Variants in SYNDIG1 observed in about 807,000 individuals in gnomAD.
SYNDIG1 encodes the protein synapse differentiation-inducing gene protein 1.
SYNDIG1 carries 9 observed loss-of-function variants against 19.4 expected under a neutral mutation model. The ratio of observed to expected loss-of-function variants is 0.46; its 90% CI spans 0.28 to 0.81. SYNDIG1 has a LOEUF of 0.81. Among genes scored for constraint, SYNDIG1 ranks in the 30% least tolerant of loss-of-function variants. The pLI, the probability that SYNDIG1 is intolerant of heterozygous loss-of-function variation, is 0.12. For synonymous variants in SYNDIG1, 141 were observed against 145.9 expected (o/e 0.97, Z 0.24); for missense variants, 311 against 343.3 (o/e 0.91, Z 0.74).
At chr20:24,532,530 C>T (rs749836567) in intron 1 of SYNDIG1, among the ~76,000 whole-genome samples, 5 of 152,176 alleles carry the variant, frequency 3.3e-5, no homozygotes, top group African/African-American at 9.7e-5. Flanking sequence ...GGTTGCACTG[C>T]ACAACTTGGT....
chr20:24,584,055 A>G (rs62215297), intron 2 of SYNDIG1, among the ~76,000 whole-genome samples: 36,313 of 152,146 alleles, frequency 0.24, 5,541 homozygotes, highest in South Asian at 0.41. Flanking sequence ...ATAAAATTAA[A>G]AAGTAAATTC....
At chr20:24,534,443 C>A (rs1226615873) in intron 1 of SYNDIG1, among the ~76,000 whole-genome samples, 1 of 152,192 alleles carries the variant, frequency 6.6e-6, no homozygotes, top group Non-Finnish European at 1.5e-5. Context: ...CTTTTCTGAA[C>A]CTCTGCACAG....
At chr20:24,494,595 A>G (rs1444258118) in intron 1 of SYNDIG1, among the ~76,000 whole-genome samples, 3 of 152,196 alleles carry the variant, frequency 2.0e-5, no homozygotes, top group South Asian at 2.1e-4. Flanking sequence ...GAGGAGGAAC[A>G]GGATGCAGGG....
At chr20:24,582,726 A>G (rs2058351082) in intron 2 of SYNDIG1, among the ~76,000 whole-genome samples, 2 of 151,782 alleles carry the variant, frequency 1.3e-5, no homozygotes, top group South Asian at 4.2e-4. Context: ...ATATCTCCTT[A>G]CTGTTTGGAG....
At chr20:24,610,968 AGG>A (rs1729066657) in intron 3 of SYNDIG1, among the ~76,000 whole-genome samples, 1 of 152,182 alleles carries the variant, frequency 6.6e-6, no homozygotes. Context: ...CCTTAGTCAG[AGG>A]GGCATCTTCT....
At chr20:24,561,013 C>A (rs1446636005) in intron 2 of SYNDIG1, among the ~76,000 whole-genome samples, 1 of 149,506 alleles carries the variant, frequency 6.7e-6, no homozygotes, top group Admixed American at 6.6e-5. Flanking sequence ...TTTTTTAACT[C>A]TTTTTTTATT....
At chr20:24,512,490 A>G (rs2056769609) in intron 1 of SYNDIG1, among the ~76,000 whole-genome samples, 1 of 152,000 alleles carries the variant, frequency 6.6e-6, no homozygotes, top group Non-Finnish European at 1.5e-5. Context: ...CCAAGAGATT[A>G]TATCTCGTGC....
At chr20:24,600,030 G>T (rs191389755) in intron 3 of SYNDIG1, among the ~76,000 whole-genome samples, 4 of 152,098 alleles carry the variant, frequency 2.6e-5, no homozygotes, top group Non-Finnish European at 5.9e-5. Context: ...AATTTCAGAG[G>T]TATCTCATAA....
chr20:24,556,426 T>G (rs544598068), intron 2 of SYNDIG1, among the ~76,000 whole-genome samples: 12 of 152,210 alleles, frequency 7.9e-5, no homozygotes, highest in Non-Finnish European at 1.5e-4. Flanking sequence ...TTTGGCATGA[T>G]TTTGCAGGGG....
chr20:24,539,428 GCTCT>G (rs1161496439), intron 1 of SYNDIG1, among the ~76,000 whole-genome samples: 5 of 152,058 alleles, frequency 3.3e-5, no homozygotes, highest in Non-Finnish European at 5.9e-5. Flanking sequence ...TTATTTCTGG[GCTCT>G]CTATTTTATT....
intron 1 of SYNDIG1, among the ~76,000 whole-genome samples, chr20:24,529,590 G>A (rs898145407): frequency 2.4e-4 from 36 of 152,174 alleles, no homozygotes; most frequent in African/African-American, 8.4e-4. Flanking sequence ...CATAATTTTT[G>A]TGTGTCATAG....
chr20:24,513,408 A>G (rs1395712557), intron 1 of SYNDIG1, among the ~76,000 whole-genome samples: 3 of 152,192 alleles, frequency 2.0e-5, no homozygotes, highest in Admixed American at 6.5e-5. Flanking sequence ...AACTAGAATA[A>G]CCAGTGTAGA....
At position 24,542,345 on chromosome 20, in the gene SYNDIG1, A is replaced by G. The variant is rs1233622773; in HGVS notation, c.-78-675A>G. Among the ~76,000 whole-genome samples the G allele has an allele frequency of 3.9e-5, 6 of 152,244 alleles. No individual in the cohort carries two copies. In the East Asian group the frequency reaches 9.6e-4, roughly 24 times the overall value. On this transcript the variant is annotated intron_variant, in intron 1 of 3. Coordinates refer to ENST00000376862, the MANE Select transcript of SYNDIG1 (RefSeq NM_024893.3). Reference sequence around the variant, plus strand: ...CTCCTCAGCTTTAATGTGCAGACTCATCAGCTGGGATCGTGTTAAAATGCA... The same window carrying G: ...CTCCTCAGCTTTAATGTGCAGACTCGTCAGCTGGGATCGTGTTAAAATGCA...
chr20:24,512,083 G>A (rs2056754507), intron 1 of SYNDIG1, among the ~76,000 whole-genome samples: 1 of 139,084 alleles, frequency 7.2e-6, no homozygotes, highest in African/African-American at 2.7e-5. Flanking sequence ...GAGAATGGCA[G>A]CCATGAGGCA....
At chr20:24,558,349 T>C (rs907096611) in intron 2 of SYNDIG1, among the ~76,000 whole-genome samples, 1 of 152,236 alleles carries the variant, frequency 6.6e-6, no homozygotes, top group Non-Finnish European at 1.5e-5. Context: ...CTGTCTTGTC[T>C]GATATTAACA....
chr20:24,559,564 C>T (rs531073156), intron 2 of SYNDIG1, among the ~76,000 whole-genome samples: 1 of 152,270 alleles, frequency 6.6e-6, no homozygotes, highest in African/African-American at 2.4e-5. Flanking sequence ...TTTACTGTTC[C>T]CAGGGCTCTC....
chr20:24,562,674 C>CA (rs1225146802), intron 2 of SYNDIG1, among the ~76,000 whole-genome samples: 1 of 152,156 alleles, frequency 6.6e-6, no homozygotes, highest in Non-Finnish European at 1.5e-5. Flanking sequence ...GGCATCTATC[C>CA]AAATGTGTGT....
intron 1 of SYNDIG1, among the ~76,000 whole-genome samples, chr20:24,538,755 C>G (rs1235725685): frequency 1.4e-5 from 2 of 144,022 alleles, no homozygotes; most frequent in African/African-American, 5.2e-5. Flanking sequence ...ACATCCTCAC[C>G]AACACTTGTT....
intron 1 of SYNDIG1, among the ~76,000 whole-genome samples, chr20:24,522,299 C>G (rs2057022404): frequency 6.6e-6 from 1 of 152,122 alleles, no homozygotes; most frequent in African/African-American, 2.4e-5. Flanking sequence ...TTGTGTTGCA[C>G]AGGCTGGTCT....
Sources: gnomAD v4.1 joint callset for allele counts (sites outside exome capture counted in the v4.1 genomes callset) on GRCh38, gnomAD v4.1.1 for gene constraint, MANE v1.5 for transcripts, NCBI Gene and HGNC (gene_info 2026-07-23, HGNC 2026-07-21) for gene names.